Variants in GPHN observed in about 807,000 individuals in gnomAD.
GPHN encodes gephyrin.
GPHN carries 17 observed loss-of-function variants against 95.5 expected under a neutral mutation model. The ratio of observed to expected loss-of-function variants is 0.18; its 90% CI spans 0.12 to 0.27. The LOEUF (loss-of-function observed/expected upper bound fraction) is 0.27. Ranked by LOEUF, GPHN falls within the 10% of genes least tolerant of loss-of-function variation. The pLI is 1.00. For synonymous variants in GPHN, 320 were observed against 322.5 expected (o/e 0.99, Z 0.08); for missense variants, 660 against 978.1 (o/e 0.67, Z 4.34).
At chr14:66,591,422 A>G (rs1057414365) in intron 1 of GPHN, among the ~76,000 whole-genome samples, 5 of 152,234 alleles carry the variant, frequency 3.3e-5, no homozygotes, top group African/African-American at 1.2e-4. Context: ...GTCTCAGCCC[A>G]AAATCTCCTT....
At chr14:66,840,104 C>A (rs896349615) in intron 4 of GPHN, among the ~76,000 whole-genome samples, 7 of 151,920 alleles carry the variant, frequency 4.6e-5, no homozygotes, top group African/African-American at 1.5e-4. Flanking sequence ...CACGGTGAAA[C>A]CCCGTCTCTA....
intron 2 of GPHN, among the ~76,000 whole-genome samples, chr14:66,683,857 G>A (rs1413142502): frequency 3.3e-5 from 5 of 151,444 alleles, no homozygotes; most frequent in African/African-American, 9.7e-5. Context: ...GGCACCTGTA[G>A]TCCCAGCTAC....
At chr14:67,585,678 C>T in the GPHN span, 3 of 1,433,062 alleles carry the variant, frequency 2.1e-6, no homozygotes, top group Non-Finnish European at 2.9e-6. Context: ...CAGGCTGCTC[C>T]CTGACCCCTC....
chr14:67,058,758 G>A lies in GPHN; in HGVS notation c.1116G>A (p.Val372=), dbSNP rs2075704206. 7 of 1,613,782 alleles carry A rather than the reference G, an allele frequency of 4.3e-6. No homozygotes were observed. Among genetic ancestry groups the A allele is most frequent in the Non-Finnish European group, 5.9e-6 (7 of 1,179,694 alleles). ...TCACAGTCCTGGAGATGACTCCGGTGCTTGGGACAGAAATCATCAATTACC... is the reference window on the plus strand; with the variant it reads ...TCACAGTCCTGGAGATGACTCCGGTACTTGGGACAGAAATCATCAATTACC... ...AFITVLEMTP[V]LGTEIINYRD... is the part of the protein sequence containing the mutation. Residue 372 remains valine (V), a synonymous_variant, in exon 11 of 23, where the codon GTG becomes GTA. Transcript: ENST00000478722.
At chr14:67,690,479 G>C in the GPHN span, 1 of 1,454,306 alleles carries the variant, frequency 6.9e-7, no homozygotes, top group African/African-American at 1.4e-5. Flanking sequence ...GACAGGAGTC[G>C]TGGTGAGCAG....
At chr14:66,657,483 C>G (rs899220621) in intron 1 of GPHN, among the ~76,000 whole-genome samples, 2 of 152,186 alleles carry the variant, frequency 1.3e-5, no homozygotes, top group Admixed American at 1.3e-4. Context: ...AAGATGCCAT[C>G]TAAGACTTTC....
intron 1 of GPHN, among the ~76,000 whole-genome samples, chr14:66,568,785 C>T (rs2060559649): frequency 6.6e-6 from 1 of 151,920 alleles, no homozygotes; most frequent in Admixed American, 6.6e-5. Flanking sequence ...TTTTCTGCTT[C>T]CTAGGGCAAA....
the GPHN span, among the ~76,000 whole-genome samples, chr14:67,673,250 A>G: frequency 6.6e-6 from 1 of 152,204 alleles, no homozygotes; most frequent in African/African-American, 2.4e-5. Flanking sequence ...AGGCTGAGGC[A>G]GGAGAATTGC....
At chr14:66,585,285 CTTT>C (rs946824464) in intron 1 of GPHN, among the ~76,000 whole-genome samples, 1 of 152,076 alleles carries the variant, frequency 6.6e-6, no homozygotes. Flanking sequence ...CTCTTTTCTT[CTTT>C]ATTAGTCTTG....
intron 17 of GPHN, among the ~76,000 whole-genome samples, chr14:67,130,529 T>C (rs1017852450): frequency 1.3e-5 from 2 of 152,186 alleles, no homozygotes; most frequent in African/African-American, 4.8e-5. Flanking sequence ...TTGAAGAGCA[T>C]TCTATGTCTC....
At chr14:66,671,700 G>A (rs993245701) in intron 1 of GPHN, among the ~76,000 whole-genome samples, 1 of 151,976 alleles carries the variant, frequency 6.6e-6, no homozygotes, top group Admixed American at 6.5e-5. Flanking sequence ...AACTTTGATG[G>A]TGTCTTTAAG....
At chr14:66,756,305 A>AT (rs1162371138) in intron 2 of GPHN, among the ~76,000 whole-genome samples, 5 of 151,972 alleles carry the variant, frequency 3.3e-5, no homozygotes, top group East Asian at 3.9e-4. Context: ...GCCCTAACAT[A>AT]TTTTTTTAAA....
At chr14:67,235,151 C>T in the GPHN span, among the ~76,000 whole-genome samples, 3 of 109,874 alleles carry the variant, frequency 2.7e-5, no homozygotes, top group South Asian at 2.7e-4. Context: ...AGCAAAACTC[C>T]GTCTCAAAAA....
chr14:67,671,480 TG>T, the GPHN span, among the ~76,000 whole-genome samples: 1 of 151,904 alleles, frequency 6.6e-6, no homozygotes, highest in South Asian at 2.1e-4. Flanking sequence ...GAGCTGAGAT[TG>T]TACCACTGCA....
At chr14:66,595,565 A>G (rs941604911) in intron 1 of GPHN, among the ~76,000 whole-genome samples, 4 of 152,144 alleles carry the variant, frequency 2.6e-5, no homozygotes, top group African/African-American at 9.7e-5. Context: ...GCACACAGCC[A>G]GGCACACTAG....
the GPHN span, chr14:67,646,681 G>C: frequency 5.6e-6 from 9 of 1,613,690 alleles, no homozygotes; most frequent in Non-Finnish European, 7.6e-6. Context: ...ATCAAACCTT[G>C]TATCTCTTCT....
At chr14:66,675,697 T>C (rs1438286312) in intron 1 of GPHN, among the ~76,000 whole-genome samples, 1 of 152,106 alleles carries the variant, frequency 6.6e-6, no homozygotes, top group Non-Finnish European at 1.5e-5. Context: ...ACAGATGTCC[T>C]GAAGCATTTC....
the GPHN span, among the ~76,000 whole-genome samples, chr14:67,346,211 A>G: frequency 6.6e-6 from 1 of 152,226 alleles, no homozygotes; most frequent in African/African-American, 2.4e-5. Context: ...CTCTCTCTAG[A>G]ATGCTCTACT....
At chr14:66,787,277 G>A (rs1003760603) in intron 3 of GPHN, among the ~76,000 whole-genome samples, 1 of 152,026 alleles carries the variant, frequency 6.6e-6, no homozygotes, top group Non-Finnish European at 1.5e-5. Context: ...AAAATATCTA[G>A]ATACAAACTT....
Sources: gnomAD v4.1 joint callset for allele counts (sites outside exome capture counted in the v4.1 genomes callset) on GRCh38, gnomAD v4.1.1 for gene constraint, MANE v1.5 for transcripts, NCBI Gene and HGNC (gene_info 2026-07-23, HGNC 2026-07-21) for gene names.